HDAC9: variants seen among roughly 807,000 people sequenced by gnomAD.
HDAC9 encodes the protein histone deacetylase 9, also known as MEF-2 interacting transcription repressor (MITR) protein.
In HDAC9, 41 loss-of-function variants were observed where a neutral mutation model predicts 139.4. The observed-to-expected ratio is 0.29, with a 90% CI of 0.23 to 0.38. HDAC9 has a LOEUF of 0.38. HDAC9 is among the 10% of genes least tolerant of loss of function. The pLI is 1.00. For synonymous variants in HDAC9, 517 were observed against 476.2 expected (o/e 1.09, Z -1.12); for missense variants, 1,147 against 1,297.0 (o/e 0.88, Z 1.78).
intron 2 of HDAC9, among the ~76,000 whole-genome samples, chr7:18,548,440 C>T (rs935093845): frequency 3.9e-5 from 6 of 151,988 alleles, no homozygotes; most frequent in African/African-American, 2.4e-5. Flanking sequence ...CGAGTTGCCA[C>T]AAAACATCAA....
chr7:18,270,007 G>A (rs771169657), intron 2 of HDAC9, among the ~76,000 whole-genome samples: 1 of 152,036 alleles, frequency 6.6e-6, no homozygotes, highest in East Asian at 1.9e-4. Context: ...ATTCTTTGTT[G>A]TAGGGGCCTG....
At chr7:18,661,247 C>G (rs1584730436) in intron 11 of HDAC9, among the ~76,000 whole-genome samples, 1 of 152,176 alleles carries the variant, frequency 6.6e-6, no homozygotes, top group South Asian at 2.1e-4. Flanking sequence ...ATATTTGGCT[C>G]ATGCAGTTGG....
At chr7:18,850,983 G>A (rs758258152) in intron 21 of HDAC9, among the ~76,000 whole-genome samples, 8 of 152,140 alleles carry the variant, frequency 5.3e-5, no homozygotes, top group African/African-American at 1.9e-4. Flanking sequence ...CCTAATATCC[G>A]TCTGGGTTAG....
Position 18,303,421 on chromosome 7 carries a change from GTGTT to G in HDAC9, c.-42+12908_-42+12911del, listed in dbSNP as rs1452613128. On this transcript the variant is annotated intron_variant, in intron 1 of 3. Coordinates refer to the HDAC9 transcript ENST00000413509. The stretch of plus-strand genomic sequence containing the variant: ...TGTGTGTGTGTGTGTGTGTGTGTGT[GTGTT>G]TTTAGTAGAGATGGGGTTTCACCGT... Among the ~76,000 whole-genome samples, 811 of 110,792 alleles carry G rather than the reference GTGTT, an allele frequency of 7.3e-3. 19 individuals are homozygous for G. The highest frequency in any genetic ancestry group is 0.047 in the African/African-American group (776 of 16,466). The allele number at this position is 110,792 out of a possible 152,430, so 72.7% of individuals were successfully genotyped here.
chr7:18,802,813 T>C (rs1184835555), intron 17 of HDAC9, among the ~76,000 whole-genome samples: 5 of 151,714 alleles, frequency 3.3e-5, no homozygotes, highest in Non-Finnish European at 5.9e-5. Flanking sequence ...AAAACAGCTT[T>C]TTTTCTTTTC....
chr7:18,298,820 C>A (rs1006687700), intron 1 of HDAC9, among the ~76,000 whole-genome samples: 7 of 151,982 alleles, frequency 4.6e-5, no homozygotes, highest in African/African-American at 1.4e-4. Context: ...AATAGTAAAG[C>A]TGTTATTATG....
chr7:18,948,449 G>C (rs1782559004), intron 23 of HDAC9, among the ~76,000 whole-genome samples: 3 of 151,964 alleles, frequency 2.0e-5, no homozygotes, highest in African/African-American at 7.2e-5. Context: ...CTATATAACT[G>C]TCATAACTGT....
At chr7:18,886,862 C>A (rs911735438) in intron 22 of HDAC9, among the ~76,000 whole-genome samples, 1 of 152,158 alleles carries the variant, frequency 6.6e-6, no homozygotes, top group African/African-American at 2.4e-5. Context: ...TCTTCCTTGG[C>A]CTGACATCTC....
At chr7:18,940,266 C>A (rs894395518) in intron 23 of HDAC9, among the ~76,000 whole-genome samples, 23 of 152,080 alleles carry the variant, frequency 1.5e-4, no homozygotes, top group African/African-American at 4.8e-4. Flanking sequence ...TTTTAAATAT[C>A]TTTATCATGA....
chr7:18,220,932 A>G (rs929032439), intron 2 of HDAC9, among the ~76,000 whole-genome samples: 2 of 152,246 alleles, frequency 1.3e-5, no homozygotes, highest in African/African-American at 4.8e-5. Flanking sequence ...TCTTATGAAT[A>G]TGTTGTTTTA....
intron 1 of HDAC9, among the ~76,000 whole-genome samples, chr7:18,432,898 C>G (rs1373296607): frequency 3.3e-5 from 5 of 151,398 alleles, no homozygotes; most frequent in Admixed American, 3.3e-4. Flanking sequence ...TTGCAGTGAG[C>G]CGAGATCGCG....
chr7:18,316,414 T>C (rs1380707196), intron 1 of HDAC9, among the ~76,000 whole-genome samples: 2 of 152,088 alleles, frequency 1.3e-5, no homozygotes, highest in Non-Finnish European at 2.9e-5. Flanking sequence ...AATCTTTTCA[T>C]TGGGAAATAA....
chr7:18,109,683 T>G (rs1299958485), intron 1 of HDAC9, among the ~76,000 whole-genome samples: 2 of 152,188 alleles, frequency 1.3e-5, no homozygotes, highest in East Asian at 3.8e-4. Flanking sequence ...ATGTAATACT[T>G]ATTCATGTTG....
rs555193225 is a variant in HDAC9 at position 18,558,906 on chromosome 7, GCT to G, written c.23-26374_23-26373del. 2.6e-5 allele frequency among the ~76,000 whole-genome samples: 4 copies of G among 152,326 alleles called. No homozygotes were observed. In the East Asian group the frequency reaches 7.7e-4, roughly 29 times the overall value. ...ATGGTCAGCTTTGCTGTTTGCCCCA[GCT>G]TTTGTGTTCCATAGCTGCTTTGCCA... On this transcript the variant is annotated intron_variant, in intron 2 of 25. Transcript: ENST00000686413.
intron 13 of HDAC9, among the ~76,000 whole-genome samples, chr7:18,743,691 A>T (rs1787664813): frequency 1.3e-5 from 2 of 151,756 alleles, no homozygotes; most frequent in Non-Finnish European, 2.9e-5. Context: ...CTAAAAACAT[A>T]AAATAAAAAA....
chr7:18,839,630 G>T (rs1585132329), intron 21 of HDAC9, among the ~76,000 whole-genome samples: 1 of 152,190 alleles, frequency 6.6e-6, no homozygotes, highest in East Asian at 1.9e-4. Flanking sequence ...GCAAAAGTCT[G>T]AGGGAACTAC....
chr7:18,731,762 AT>A (rs945791518), intron 13 of HDAC9, among the ~76,000 whole-genome samples: 2 of 152,030 alleles, frequency 1.3e-5, no homozygotes, highest in Non-Finnish European at 2.9e-5. Context: ...AGTAGCTGGG[AT>A]TACAGTCATG....
chr7:18,351,458 A>C (rs1782842437), intron 1 of HDAC9, among the ~76,000 whole-genome samples: 1 of 152,150 alleles, frequency 6.6e-6, no homozygotes, highest in Non-Finnish European at 1.5e-5. Flanking sequence ...AAATCCCCCA[A>C]AACAAAAAAA....
chr7:18,710,280 G>T (rs2129112300), intron 12 of HDAC9, among the ~76,000 whole-genome samples: 1 of 152,266 alleles, frequency 6.6e-6, no homozygotes, highest in Non-Finnish European at 1.5e-5. Flanking sequence ...TTTGGGTGGG[G>T]ACACAGCTAA....
Sources: allele counts gnomAD v4.1 joint callset (sites outside exome capture counted in the v4.1 genomes callset), GRCh38; gene constraint gnomAD v4.1.1; transcripts MANE v1.5; gene names NCBI Gene and HGNC (gene_info 2026-07-23, HGNC 2026-07-21).